GRID1: variants seen among roughly 807,000 people sequenced by gnomAD.
GRID1 encodes glutamate receptor ionotropic, delta-1.
GRID1 carries 28 observed loss-of-function variants against 98.0 expected under a neutral mutation model. That is an observed-to-expected ratio of 0.29 (90% CI 0.21 to 0.39). The LOEUF (loss-of-function observed/expected upper bound fraction) is 0.39. GRID1 is among the 10% of genes least tolerant of loss of function. The pLI, the probability that GRID1 is intolerant of heterozygous loss-of-function variation, is 1.00. For synonymous variants in GRID1, 553 were observed against 538.5 expected (o/e 1.03, Z -0.37); for missense variants, 1,111 against 1,340.5 (o/e 0.83, Z 2.67).
intron 4 of GRID1, among the ~76,000 whole-genome samples, chr10:86,006,115 A>G (rs540151092): frequency 1.3e-5 from 2 of 152,374 alleles, no homozygotes; most frequent in Middle Eastern, 6.8e-3. Flanking sequence ...CAATGGTAGT[A>G]CTAGTGCAGA....
chr10:85,718,879 A>G (rs1308936009), intron 12 of GRID1, among the ~76,000 whole-genome samples: 3 of 152,092 alleles, frequency 2.0e-5, no homozygotes, highest in African/African-American at 7.2e-5. Context: ...TTCTCCTCAA[A>G]ACATGGGTGT....
intron 4 of GRID1, among the ~76,000 whole-genome samples, chr10:85,943,596 A>G (rs966155158): frequency 3.3e-5 from 5 of 152,224 alleles, no homozygotes; most frequent in African/African-American, 9.6e-5. Flanking sequence ...ATCCAGGCAC[A>G]CTTAAAATCA....
At chr10:86,186,556 A>G (rs1845728076) in intron 3 of GRID1, among the ~76,000 whole-genome samples, 1 of 151,600 alleles carries the variant, frequency 6.6e-6, no homozygotes, top group South Asian at 2.1e-4. Context: ...CAAGCTTCAT[A>G]GCCACCAGTG....
At chr10:86,333,954 T>A (rs761594477) in intron 2 of GRID1, among the ~76,000 whole-genome samples, 22 of 152,140 alleles carry the variant, frequency 1.4e-4, no homozygotes, top group Non-Finnish European at 2.8e-4. Context: ...ACTGCATAGC[T>A]GAATGAATAA....
chr10:86,109,043 T>C (rs554767083), intron 4 of GRID1, among the ~76,000 whole-genome samples: 5 of 152,344 alleles, frequency 3.3e-5, no homozygotes, highest in Admixed American at 2.0e-4. Context: ...CAAACATTCG[T>C]TCCACCTTCC....
At chr10:85,679,077 G>C (rs76981049) in intron 12 of GRID1, among the ~76,000 whole-genome samples, 4,963 of 152,210 alleles carry the variant, frequency 0.033, 128 homozygotes, top group Middle Eastern at 0.048. Context: ...ATCACATCTA[G>C]GGATAGAACA....
intron 13 of GRID1, 69 bp downstream of exon 13, chr10:85,647,133 C>T (rs1376243297): frequency 3.1e-6 from 4 of 1,282,694 alleles, no homozygotes; most frequent in Non-Finnish European, 4.5e-6. Context: ...GGAGGTGTCT[C>T]CCACCTGGGG....
intron 2 of GRID1, among the ~76,000 whole-genome samples, chr10:86,337,018 C>G (rs1848231857): frequency 7.5e-6 from 1 of 133,978 alleles, no homozygotes; most frequent in African/African-American, 3.5e-5. Flanking sequence ...TAGTTTTTTG[C>G]AGTTTTTTTT....
At chr10:86,207,067 A>G (rs1294710156) in intron 2 of GRID1, among the ~76,000 whole-genome samples, 2 of 152,010 alleles carry the variant, frequency 1.3e-5, no homozygotes, top group African/African-American at 4.8e-5. Flanking sequence ...GTGCATCCTC[A>G]TGCCTAGCCA....
Position 85,727,964 on chromosome 10 carries a change from G to C in GRID1, c.1424C>G (p.Ala475Gly). Residue 475 changes from alanine (A) to glycine (G), a missense_variant, in exon 10 of 16, where the codon GCC becomes GGC. Transcript: ENST00000327946. Reference sequence around the variant, plus strand: ...CTCATATTTAAAGCCCAGAGCCTTGGCCAGTGCATCCAGGACATCTATGGA... The same window carrying C: ...CTCATATTTAAAGCCCAGAGCCTTGCCCAGTGCATCCAGGACATCTATGGA... Reference protein sequence around the residue: ...GFSIDVLDALAKALGFKYEIY... With the variant: ...GFSIDVLDALGKALGFKYEIY... 1 of 1,613,650 alleles carries C rather than the reference G, an allele frequency of 6.2e-7. No individual in the cohort carries two copies. Among genetic ancestry groups the C allele is most frequent in the Non-Finnish European group, 8.5e-7 (1 of 1,179,610 alleles).
chr10:85,903,232 T>C (rs1349316858), intron 5 of GRID1, among the ~76,000 whole-genome samples: 5 of 152,170 alleles, frequency 3.3e-5, no homozygotes, highest in Non-Finnish European at 7.3e-5. Flanking sequence ...TTCCTGATCT[T>C]ACCCCTGAAA....
intron 2 of GRID1, among the ~76,000 whole-genome samples, chr10:86,212,973 C>T (rs1395843312): frequency 6.6e-6 from 1 of 152,092 alleles, no homozygotes; most frequent in African/African-American, 2.4e-5. Flanking sequence ...AGCTGGCTCT[C>T]CCGTCCCTCC....
chr10:85,716,284 A>G (rs1263808647), intron 12 of GRID1, among the ~76,000 whole-genome samples: 1 of 152,116 alleles, frequency 6.6e-6, no homozygotes, highest in Non-Finnish European at 1.5e-5. Context: ...GCTGGAAACC[A>G]TCATTCTGAG....
At chr10:86,355,994 TG>T (rs1204498311) in intron 2 of GRID1, among the ~76,000 whole-genome samples, 1 of 152,208 alleles carries the variant, frequency 6.6e-6, no homozygotes, top group South Asian at 2.1e-4. Context: ...GGGGAGGTCA[TG>T]GGTGCTGGTC....
intron 1 of GRID1, among the ~76,000 whole-genome samples, chr10:86,364,422 A>G (rs7074223): frequency 0.3 from 45,172 of 152,126 alleles, 9,694 homozygotes; most frequent in African/African-American, 0.59. Context: ...CAAGGGACTA[A>G]GCCAAGCTGG....
chr10:86,096,668 C>G (rs140843858), intron 4 of GRID1, among the ~76,000 whole-genome samples: 1 of 152,326 alleles, frequency 6.6e-6, no homozygotes, highest in Non-Finnish European at 1.5e-5. Flanking sequence ...TGGGCTCATG[C>G]TAATGGAATT....
At chr10:86,171,418 C>T (rs1258360813) in intron 3 of GRID1, among the ~76,000 whole-genome samples, 3 of 152,176 alleles carry the variant, frequency 2.0e-5, no homozygotes, top group Non-Finnish European at 4.4e-5. Context: ...ACATTTTAGG[C>T]AATTAAGGAG....
chr10:85,671,220 C>A (rs952719807), intron 12 of GRID1, among the ~76,000 whole-genome samples: 1 of 152,204 alleles, frequency 6.6e-6, no homozygotes, highest in Non-Finnish European at 1.5e-5. Flanking sequence ...GGCTTGCCAC[C>A]TTTTACTGCA....
At position 85,724,692 on chromosome 10, in the gene GRID1, A is replaced by G. The variant is rs775617880; in HGVS notation, c.1534-16T>C. ...AGTCTGCTCTCTGAAAGGCAAAGCC[A>G]TCTCATTTAGACGGCAGTCCTCAGC... On this transcript the variant is annotated splice_polypyrimidine_tract_variant and intron_variant, in intron 10 of 15. Transcript: ENST00000327946. 335 of 1,597,942 alleles carry G rather than the reference A, an allele frequency of 2.1e-4. 2 individuals are homozygous for G. The highest frequency in any genetic ancestry group is 2.6e-4 in the Non-Finnish European group (310 of 1,173,124).
Sources: gnomAD v4.1 joint callset for allele counts (sites outside exome capture counted in the v4.1 genomes callset) on GRCh38, gnomAD v4.1.1 for gene constraint, MANE v1.5 for transcripts, NCBI Gene and HGNC (gene_info 2026-07-23, HGNC 2026-07-21) for gene names.